The following ANKRD6 variants were observed in gnomAD, a reference collection of about 807,000 sequenced individuals.
The protein encoded by ANKRD6 is ankyrin repeat domain 6.
In ANKRD6, 56 loss-of-function variants were observed where a neutral mutation model predicts 82.3. That is an observed-to-expected ratio of 0.68 (90% CI 0.55 to 0.85). The LOEUF (loss-of-function observed/expected upper bound fraction) is 0.85. Ranked by LOEUF, ANKRD6 falls within the 40% of genes least tolerant of loss-of-function variation. The probability of loss-of-function intolerance (pLI) is 0.00; values close to 1 mark genes in which losing one functional copy is unlikely to be tolerated. For synonymous variants in ANKRD6, 347 were observed against 352.1 expected, an observed-to-expected ratio of 0.99 and a Z score of 0.16; for missense variants, 852 against 907.6, an observed-to-expected ratio of 0.94 and a Z score of 0.79.
At chr6:89,540,449 T>A (rs1470522058) in intron 1 of ANKRD6, among the ~76,000 whole-genome samples, 1 of 152,206 alleles carries the variant, frequency 6.6e-6, no homozygotes, top group Non-Finnish European at 1.5e-5. Context: ...ACTCAAATAT[T>A]TTGCCCATCT....
intron 1 of ANKRD6, among the ~76,000 whole-genome samples, chr6:89,468,645 G>A (rs1207973464): frequency 6.9e-6 from 1 of 144,666 alleles, no homozygotes; most frequent in African/African-American, 2.5e-5. Context: ...AATTTTCATG[G>A]TATCTGTCAC....
chr6:89,518,336 AG>A (rs1781471169), intron 1 of ANKRD6, among the ~76,000 whole-genome samples: 1 of 151,492 alleles, frequency 6.6e-6, no homozygotes, highest in Non-Finnish European at 1.5e-5. Context: ...TGGGAGTTAG[AG>A]GTGGCGGTGA....
At chr6:89,446,340 G>A (rs548604587) in intron 1 of ANKRD6, among the ~76,000 whole-genome samples, 9 of 152,046 alleles carry the variant, frequency 5.9e-5, no homozygotes, top group Non-Finnish European at 8.8e-5. Context: ...CAACAAGGGC[G>A]AAACTTTGTC....
chr6:89,438,314 C>T (rs1387260837), intron 1 of ANKRD6, among the ~76,000 whole-genome samples: 1 of 152,272 alleles, frequency 6.6e-6, no homozygotes, highest in Non-Finnish European at 1.5e-5. Context: ...AGGTTCATTC[C>T]TTCTTGTGAT....
intron 1 of ANKRD6, among the ~76,000 whole-genome samples, chr6:89,443,257 A>G (rs1288074615): frequency 6.6e-6 from 1 of 152,132 alleles, no homozygotes; most frequent in Non-Finnish European, 1.5e-5. Flanking sequence ...TTTCTTTGGA[A>G]TTCTTTGACC....
At chr6:89,621,399 G>A (rs1187034933) in intron 9 of ANKRD6, 6 of 158,562 alleles carry the variant, frequency 3.8e-5, no homozygotes, top group Non-Finnish European at 5.6e-5. Flanking sequence ...TAACTGTCCC[G>A]TGGTTGGTAC....
At chr6:89,467,522 T>A (rs189351703) in intron 1 of ANKRD6, among the ~76,000 whole-genome samples, 66 of 152,322 alleles carry the variant, frequency 4.3e-4, no homozygotes, top group African/African-American at 1.5e-3. Flanking sequence ...TTTTAACTCT[T>A]AACAGTCAGC....
rs1041517630 is a variant in ANKRD6 at position 89,433,447 on chromosome 6, C to G, written c.-144+72C>G. ...GGTGGGCGCCTCAGGTCGGGGAGGA[C>G]GCTGTCGGGGGAAGGGGGCGCTGCT... is the stretch of plus-strand genomic sequence containing the variant. On this transcript the variant is annotated intron_variant, in intron 1 of 15. Coordinates refer to ENST00000339746, the MANE Select transcript of ANKRD6 (RefSeq NM_001242809.2). The surrounding 1 kb of genome is among the most constrained non-coding windows in gnomAD (Gnocchi z 4.3). The G allele has an allele frequency of 6.6e-6, 1 of 152,244 alleles. No homozygotes were observed. Among genetic ancestry groups the G allele is most frequent in the African/African-American group, 2.4e-5 (1 of 41,454 alleles). The allele number at this position is 152,244 out of a possible 1,614,324, so 9.4% of individuals were successfully genotyped here.
chr6:89,559,511 A>C (rs1290858372), intron 1 of ANKRD6, among the ~76,000 whole-genome samples: 2 of 152,242 alleles, frequency 1.3e-5, no homozygotes, highest in Non-Finnish European at 2.9e-5. Context: ...TCAGTGGAAA[A>C]ACTGGGGACA....
intron 1 of ANKRD6, among the ~76,000 whole-genome samples, chr6:89,551,763 C>T (rs1389291449): frequency 6.6e-6 from 1 of 152,188 alleles, no homozygotes; most frequent in African/African-American, 2.4e-5. Flanking sequence ...CTGAAGACTG[C>T]TGAATCTCAG....
chr6:89,546,085 C>T (rs1268894283), intron 1 of ANKRD6, among the ~76,000 whole-genome samples: 3 of 152,110 alleles, frequency 2.0e-5, no homozygotes, highest in Non-Finnish European at 2.9e-5. Flanking sequence ...GGGATTACGG[C>T]GTGAGCCACT....
chr6:89,621,697 T>G (rs1803377762), intron 9 of ANKRD6: 1 of 553,602 alleles, frequency 1.8e-6, no homozygotes, highest in African/African-American at 1.9e-5. Flanking sequence ...TTTAAGCTTC[T>G]TGAGGTCAGG....
chr6:89,488,504 G>A (rs886205907), intron 1 of ANKRD6, among the ~76,000 whole-genome samples: 1 of 152,120 alleles, frequency 6.6e-6, no homozygotes, highest in Non-Finnish European at 1.5e-5. Flanking sequence ...GCATCCAGCT[G>A]ATCTCAAATA....
chr6:89,516,257 C>G (rs1015028323), intron 1 of ANKRD6, among the ~76,000 whole-genome samples: 8 of 152,118 alleles, frequency 5.3e-5, no homozygotes, highest in Non-Finnish European at 1.0e-4. Flanking sequence ...CAGGGCCAGT[C>G]CTGATGGAAC....
At chr6:89,567,416 T>C (rs946310887) in intron 2 of ANKRD6, among the ~76,000 whole-genome samples, 2 of 152,158 alleles carry the variant, frequency 1.3e-5, no homozygotes, top group Admixed American at 6.5e-5. Flanking sequence ...ATAATCACGT[T>C]AGATGGGCCT....
At chr6:89,502,861 TCCA>T (rs1779412754) in intron 1 of ANKRD6, among the ~76,000 whole-genome samples, 1 of 152,170 alleles carries the variant, frequency 6.6e-6, no homozygotes, top group Non-Finnish European at 1.5e-5. Flanking sequence ...TAAATTTTAT[TCCA>T]CCAAGGGGAC....
At chr6:89,467,412 T>G (rs984175139) in intron 1 of ANKRD6, among the ~76,000 whole-genome samples, 2 of 152,216 alleles carry the variant, frequency 1.3e-5, no homozygotes, top group Non-Finnish European at 2.9e-5. Context: ...GGAATACACT[T>G]CTTCATTCAT....
At chr6:89,579,699 G>A (rs1338503970) in intron 2 of ANKRD6, among the ~76,000 whole-genome samples, 6 of 123,910 alleles carry the variant, frequency 4.8e-5, no homozygotes, top group Non-Finnish European at 4.7e-5. Flanking sequence ...GGAAGCTGCA[G>A]TAATCCAAGA....
intron 1 of ANKRD6, among the ~76,000 whole-genome samples, chr6:89,534,939 C>G (rs1783637783): frequency 6.6e-6 from 1 of 152,170 alleles, no homozygotes. Flanking sequence ...TCCCCACCCT[C>G]CCACCTGAAT....
Sources: allele counts gnomAD v4.1 joint callset (sites outside exome capture counted in the v4.1 genomes callset), GRCh38; gene constraint gnomAD v4.1.1; non-coding constraint Gnocchi (gnomAD v3.1); transcripts MANE v1.5; gene names NCBI Gene and HGNC (gene_info 2026-07-23, HGNC 2026-07-21).